The following SLC8A1 variants were observed in gnomAD, a reference collection of about 807,000 sequenced individuals.
SLC8A1 encodes sodium/calcium exchanger 1.
In SLC8A1, 18 loss-of-function variants were observed where a neutral mutation model predicts 68.3. The ratio of observed to expected loss-of-function variants is 0.26; its 90% CI spans 0.18 to 0.39. The LOEUF (loss-of-function observed/expected upper bound fraction) is 0.39, where lower values mean the gene tolerates loss of function less well. Among genes scored for constraint, SLC8A1 ranks in the 10% least tolerant of loss-of-function variants. The pLI, the probability that SLC8A1 is intolerant of heterozygous loss-of-function variation, is 1.00. For missense variants in SLC8A1, 985 were observed against 1,156.7 expected, an observed-to-expected ratio of 0.85 and a Z score of 2.15; for synonymous variants, 475 against 415.5, an observed-to-expected ratio of 1.14 and a Z score of -1.74.
At chr2:40,260,835 A>C (rs2064604665) in intron 2 of SLC8A1, among the ~76,000 whole-genome samples, 1 of 152,078 alleles carries the variant, frequency 6.6e-6, no homozygotes, top group South Asian at 2.1e-4. Flanking sequence ...TGAGGCATGC[A>C]ATTTTCCCTT....
chr2:40,151,165 A>G (rs2043344997), intron 6 of SLC8A1, among the ~76,000 whole-genome samples: 1 of 152,214 alleles, frequency 6.6e-6, no homozygotes, highest in Admixed American at 6.5e-5. Flanking sequence ...TCTTATGTGT[A>G]CAAATATGTG....
chr2:40,120,858 T>C (rs2036611008), intron 7 of SLC8A1: 1 of 152,236 alleles, frequency 6.6e-6, no homozygotes, highest in African/African-American at 2.4e-5. Context: ...CATTCATTGA[T>C]ACGAGTGAAG....
intron 1 of SLC8A1, among the ~76,000 whole-genome samples, chr2:40,464,402 A>G (rs368763065): frequency 2.6e-5 from 4 of 152,238 alleles, no homozygotes; most frequent in African/African-American, 9.6e-5. Context: ...ATTGTGGCAT[A>G]TGAGCAAAAC....
exon 2 of SLC8A1, chr2:40,429,125 G>C (rs1229684488): frequency 6.2e-7 from 1 of 1,612,926 alleles, no homozygotes; most frequent in Non-Finnish European, 8.5e-7. Context: ...TTCCTTGCTT[G>C]GTCAGCTGCA....
exon 8 of SLC8A1, chr2:40,109,605 T>A (rs1162530551): frequency 6.6e-6 from 1 of 152,146 alleles, no homozygotes; most frequent in Non-Finnish European, 1.5e-5. Flanking sequence ...TCTTGAGCAA[T>A]CACTTTATAG....
At chr2:40,323,482 G>T (rs1482510502) in intron 2 of SLC8A1, among the ~76,000 whole-genome samples, 1 of 152,036 alleles carries the variant, frequency 6.6e-6, no homozygotes, top group Non-Finnish European at 1.5e-5. Flanking sequence ...AAACAAATCT[G>T]GATTCTGACT....
chr2:40,476,892 T>G (rs747325205), intron 1 of SLC8A1, among the ~76,000 whole-genome samples: 16 of 152,198 alleles, frequency 1.1e-4, no homozygotes, highest in Non-Finnish European at 1.9e-4. Flanking sequence ...TAGTGAGTCT[T>G]GTTCTTTCCT....
intron 2 of SLC8A1, among the ~76,000 whole-genome samples, chr2:40,335,822 G>A (rs912748050): frequency 1.3e-5 from 2 of 152,222 alleles, no homozygotes; most frequent in Admixed American, 1.3e-4. Flanking sequence ...GTGAATACAG[G>A]CTCTTTGGGA....
In SLC8A1 at chr2:40,216,177, C is replaced by T. The variant is rs112083512; in HGVS notation, c.1809-38322G>A. Reference sequence around the variant, plus strand: ...CTCAACACCCACCCACCGACAGGCCCTGGTGTGTGGTGTTCCCCCTCCCTG... The same window carrying T: ...CTCAACACCCACCCACCGACAGGCCTTGGTGTGTGGTGTTCCCCCTCCCTG... On this transcript the variant is annotated intron_variant, in intron 2 of 7. Transcript: ENST00000406785. Among the ~76,000 whole-genome samples, 1,007 of 152,232 alleles carry T rather than the reference C, an allele frequency of 6.6e-3. 2 individuals carry two copies. The highest frequency in any genetic ancestry group is 0.055 in the Middle Eastern group (16 of 292).
chr2:40,113,501 T>G (rs2034834785), exon 8 of SLC8A1: 1 of 150,212 alleles, frequency 6.7e-6, no homozygotes, highest in East Asian at 1.9e-4. Flanking sequence ...CTTATTTAAT[T>G]GCCTTCTCTT....
chr2:40,127,776 C>G (rs975021520), intron 7 of SLC8A1, among the ~76,000 whole-genome samples: 1 of 152,072 alleles, frequency 6.6e-6, no homozygotes, highest in Non-Finnish European at 1.5e-5. Flanking sequence ...GGGGAGCAAT[C>G]GAGGGAGAGA....
At chr2:40,465,732 T>TTA (rs1703631823) in intron 1 of SLC8A1, among the ~76,000 whole-genome samples, 1 of 152,224 alleles carries the variant, frequency 6.6e-6, no homozygotes, top group Admixed American at 6.5e-5. Context: ...GCGTATTTTT[T>TTA]TATACAAGGA....
chr2:40,286,385 CT>C lies in SLC8A1; in HGVS notation c.1809-108531del, dbSNP rs1478003916. On this transcript the variant is annotated intron_variant, in intron 2 of 7. Transcript: ENST00000406785. ...GGCACCTCCTCTAGGTTGCCATTGC[CT>C]TAAGACCATTTATTTTGAGAGGTAA... 3.3e-5 allele frequency among the ~76,000 whole-genome samples: 5 copies of C among 152,270 alleles called. No individual in the cohort carries two copies. The East Asian group carries it at 9.6e-4, about 29-fold the overall frequency.
chr2:40,292,654 C>T (rs1375034112), intron 2 of SLC8A1, among the ~76,000 whole-genome samples: 1 of 152,140 alleles, frequency 6.6e-6, no homozygotes, highest in Non-Finnish European at 1.5e-5. Context: ...ATCAGTAAGA[C>T]CTTGGAAGCC....
At chr2:40,357,694 A>T (rs1255045559) in intron 2 of SLC8A1, among the ~76,000 whole-genome samples, 1 of 152,018 alleles carries the variant, frequency 6.6e-6, no homozygotes, top group African/African-American at 2.4e-5. Flanking sequence ...GTATAATTTT[A>T]AAAAAAGGAA....
intron 2 of SLC8A1, among the ~76,000 whole-genome samples, chr2:40,235,843 T>C (rs1371879648): frequency 1.4e-4 from 21 of 149,984 alleles, no homozygotes; most frequent in South Asian, 4.3e-4. Flanking sequence ...ATTTCTGCCT[T>C]CATTTCGTTA....
intron 2 of SLC8A1, among the ~76,000 whole-genome samples, chr2:40,349,607 A>G (rs13031340): frequency 0.26 from 39,114 of 151,994 alleles, 6,549 homozygotes; most frequent in East Asian, 0.62. Context: ...TGAGGCTGGA[A>G]GGAGCTAATA....
chr2:40,416,054 TAAAAAA>T (rs779668065), intron 2 of SLC8A1, among the ~76,000 whole-genome samples: 2 of 116,248 alleles, frequency 1.7e-5, no homozygotes, highest in African/African-American at 3.2e-5. Context: ...GGCTCTGTTT[TAAAAAA>T]AAAAAAAAAA....
intron 6 of SLC8A1, among the ~76,000 whole-genome samples, chr2:40,143,231 A>C (rs2041901361): frequency 6.6e-6 from 1 of 152,198 alleles, no homozygotes; most frequent in African/African-American, 2.4e-5. Context: ...GGGAAAGGAC[A>C]AAGAAATATC....
Sources: allele counts gnomAD v4.1 joint callset (sites outside exome capture counted in the v4.1 genomes callset), GRCh38; gene constraint gnomAD v4.1.1; transcripts MANE v1.5; gene names NCBI Gene and HGNC (gene_info 2026-07-23, HGNC 2026-07-21).